The following PRR11 variants were observed in gnomAD, a reference collection of about 807,000 sequenced individuals.
The protein encoded by PRR11 is proline-rich protein 11.
A neutral mutation model predicts 45.6 loss-of-function variants in PRR11; 30 were observed. The observed-to-expected ratio is 0.66, with a 90% CI of 0.49 to 0.89. PRR11 has a LOEUF of 0.89. PRR11 is among the 40% of genes least tolerant of loss of function. PRR11 has a pLI of 0.00. For synonymous variants in PRR11, 128 were observed against 153.5 expected (o/e 0.83, Z 1.23); for missense variants, 373 against 424.8 (o/e 0.88, Z 1.07).
intron 2 of PRR11, chr17:59,175,202 AG>A: frequency 2.1e-6 from 1 of 465,184 alleles, no homozygotes. Context: ...CTTCCCAGAG[AG>A]GAGGGCAGGG....
intron 6 of PRR11, 46 bp downstream of exon 6, chr17:59,194,901 T>C: frequency 6.7e-7 from 1 of 1,487,786 alleles, no homozygotes; most frequent in Non-Finnish European, 9.3e-7. Context: ...CTTTTAACAA[T>C]ATAGGCTCAT....
Position 59,193,615 on chromosome 17 carries a change from A to G in PRR11, c.526A>G (p.Thr176Ala), listed in dbSNP as rs1200571378. The G allele has an allele frequency of 2.5e-6, 4 of 1,614,088 alleles. No individual in the cohort carries two copies. Among genetic ancestry groups the G allele is most frequent in the East Asian group, 2.2e-5 (1 of 44,880 alleles). ...AGACTCCAAAGCTGTGCTTCCTCCC[A>G]CACTGCCACAGCCAGCCAGCCATTT... The part of the protein sequence containing the change: ...PGDSKAVLPP[T>A]LPQPASHFPP... The change falls in exon 5 of 10, where the codon ACA (threonine) becomes GCA (alanine). Residue 176 changes from threonine (T) to alanine (A), a missense_variant. Transcript: ENST00000262293.
intron 7 of PRR11, among the ~76,000 whole-genome samples, chr17:59,196,628 C>T (rs1280094558): frequency 3.3e-5 from 5 of 152,016 alleles, no homozygotes; most frequent in Non-Finnish European, 7.4e-5. Flanking sequence ...CCACCCCCCT[C>T]GGCCTCCTAA....
At chr17:59,166,020 G>C (rs1464054271) in intron 1 of PRR11, among the ~76,000 whole-genome samples, 2 of 152,136 alleles carry the variant, frequency 1.3e-5, no homozygotes, top group Non-Finnish European at 2.9e-5. Flanking sequence ...ATGTTATCAG[G>C]AATCTATTTC....
intron 2 of PRR11, among the ~76,000 whole-genome samples, chr17:59,172,544 C>T (rs754347825): frequency 2.7e-4 from 41 of 152,120 alleles, no homozygotes; most frequent in Non-Finnish European, 4.3e-4. Context: ...GGGCGGGAAC[C>T]GGGGCTGCGC....
intron 2 of PRR11, among the ~76,000 whole-genome samples, chr17:59,174,037 C>T (rs527852709): frequency 4.8e-4 from 73 of 152,258 alleles, no homozygotes; most frequent in Non-Finnish European, 9.1e-4. Context: ...AATTTTATCT[C>T]CTGTCCTTCA....
At position 59,165,371 on chromosome 17, in the gene PRR11, C is replaced by G. The variant is rs1163261323; in HGVS notation, c.-5-4377C>G. Among the ~76,000 whole-genome samples, 13 of 152,154 alleles carry G rather than the reference C, an allele frequency of 8.5e-5. 1 individual carries two copies. Among genetic ancestry groups the G allele is most frequent in the Admixed American group, 8.5e-4 (13 of 15,262 alleles). On this transcript the variant is annotated intron_variant, in intron 1 of 9. Coordinates refer to ENST00000262293, the MANE Select transcript of PRR11 (RefSeq NM_018304.4). ...TTTGTTTTGGAAACAAGGTCCCCCT[C>G]TGTTGCCCAGGCTGGAGTGCAGTGG...
intron 1 of PRR11, among the ~76,000 whole-genome samples, chr17:59,166,462 TTTTTGTTTTG>T (rs145397670): frequency 6.6e-6 from 1 of 152,080 alleles, no homozygotes; most frequent in African/African-American, 2.4e-5. Context: ...CTAGATAATG[TTTTTGTTTTG>T]TTTTTTCATT....
intron 2 of PRR11, 87 bp from the exon 3 acceptor site, chr17:59,184,967 C>T (rs938288802): frequency 1.3e-5 from 16 of 1,221,170 alleles, no homozygotes; most frequent in Admixed American, 6.5e-5. Flanking sequence ...AAAGTGCTAG[C>T]AGTAGAGGCA....
intron 2 of PRR11, among the ~76,000 whole-genome samples, chr17:59,182,784 T>A (rs530809627): frequency 1.3e-5 from 2 of 152,136 alleles, no homozygotes; most frequent in African/African-American, 4.8e-5. Context: ...CACCACCTCC[T>A]GGAGGGGGTA....
intron 2 of PRR11, chr17:59,179,620 T>C (rs2046769641): frequency 1.3e-6 from 2 of 1,516,090 alleles, no homozygotes; most frequent in South Asian, 1.1e-5. Context: ...AGAACAGGAT[T>C]GGAGGTGCTC....
intron 2 of PRR11, among the ~76,000 whole-genome samples, chr17:59,182,412 G>T (rs2147847543): frequency 1.9e-5 from 2 of 104,888 alleles, no homozygotes; most frequent in Non-Finnish European, 3.5e-5. Flanking sequence ...TTTTTTTTGA[G>T]ACAGTGTCTC....
chr17:59,181,885 C>A, intron 2 of PRR11: 1 of 1,319,018 alleles, frequency 7.6e-7, no homozygotes, highest in South Asian at 1.3e-5. Flanking sequence ...ATCTTTCTGG[C>A]TTTCTCCTCT....
chr17:59,193,337 T>A (rs1343127748), intron 4 of PRR11, among the ~76,000 whole-genome samples, 155 bp from the exon 5 acceptor site: 2 of 152,168 alleles, frequency 1.3e-5, no homozygotes, highest in Non-Finnish European at 2.9e-5. Flanking sequence ...ATGAATGAAA[T>A]GAAGAAACTT....
chr17:59,176,268 A>AG (rs1309216297), intron 2 of PRR11, among the ~76,000 whole-genome samples: 1 of 152,098 alleles, frequency 6.6e-6, no homozygotes, highest in Non-Finnish European at 1.5e-5. Flanking sequence ...GATTATAGAG[A>AG]GGGTGGAATT....
chr17:59,158,148 A>G (rs1201733511), intron 1 of PRR11, among the ~76,000 whole-genome samples: 1 of 152,226 alleles, frequency 6.6e-6, no homozygotes, highest in African/African-American at 2.4e-5. Context: ...GACTGAAGGC[A>G]GGAGAATCAT....
At chr17:59,158,675 C>A (rs1344947365) in intron 1 of PRR11, among the ~76,000 whole-genome samples, 1 of 151,852 alleles carries the variant, frequency 6.6e-6, no homozygotes, top group Admixed American at 6.6e-5. Flanking sequence ...TTTCCTGGAG[C>A]CTTGAAATTT....
intron 7 of PRR11, 123 bp from the exon 8 acceptor site, chr17:59,197,421 T>C: frequency 1.1e-6 from 1 of 909,592 alleles, no homozygotes; most frequent in Non-Finnish European, 1.7e-6. Context: ...CTGGCTAATT[T>C]TTTGTATTTT....
chr17:59,184,960 G>T (rs2046806932), intron 2 of PRR11, 94 bp from the exon 3 acceptor site: 3 of 1,062,220 alleles, frequency 2.8e-6, no homozygotes, highest in East Asian at 3.3e-5. Flanking sequence ...GCCTCCCAAA[G>T]TGCTAGCAGT....
Sources: gnomAD v4.1 joint callset for allele counts (sites outside exome capture counted in the v4.1 genomes callset) on GRCh38, gnomAD v4.1.1 for gene constraint, MANE v1.5 for transcripts, NCBI Gene and HGNC (gene_info 2026-07-23, HGNC 2026-07-21) for gene names.